MZT1: variants seen among roughly 807,000 people sequenced by gnomAD.
The protein encoded by MZT1 is mitotic spindle organizing protein 1.
MZT1 carries 8 observed loss-of-function variants against 8.5 expected under a neutral mutation model. That is an observed-to-expected ratio of 0.94 (90% confidence interval 0.55 to 1.70). The LOEUF is 1.70. MZT1 is among the 40% of genes most tolerant of loss of function. The pLI is 0.00. For synonymous variants in MZT1, 38 were observed against 42.0 expected (o/e 0.90, Z 0.37); for missense variants, 93 against 108.6 (o/e 0.86, Z 0.64).
intron 1 of MZT1, among the ~76,000 whole-genome samples, chr13:72,724,384 A>T (rs1476329688): frequency 2.6e-5 from 4 of 151,952 alleles, no homozygotes; most frequent in African/African-American, 9.7e-5. Context: ...GAGGCAGAGG[A>T]GGTGAGAAAG....
At position 72,715,509 on chromosome 13, in the gene MZT1, G is replaced by A. The variant is rs141494918; in HGVS notation, c.225+3443C>T. On this transcript the variant is annotated intron_variant, in intron 2 of 2. Coordinates refer to ENST00000377818, the MANE Select transcript of MZT1 (RefSeq NM_001071775.3). The stretch of plus-strand genomic sequence containing the variant: ...CACATGAGATCTGGGAAGGGCCAGC[G>A]AGGGAATGATAGTTTGGATGTGCAT... 8.6e-3 allele frequency among the ~76,000 whole-genome samples: 1,314 copies of A among 152,262 alleles called. 10 individuals are homozygous for A. Among genetic ancestry groups the A allele is most frequent in the South Asian group, 0.017 (80 of 4,822 alleles).
chr13:72,719,004 T>C lies in MZT1; in HGVS notation c.173A>G (p.Glu58Gly). 1 of 1,595,552 alleles carries C rather than the reference T, an allele frequency of 6.3e-7. No individual in the cohort carries two copies. The highest frequency in any genetic ancestry group is 8.5e-7 in the Non-Finnish European group (1 of 1,173,104). Reference protein sequence around the residue: ...VRLCEQGINPEALSSVIKELR... With the variant: ...VRLCEQGINPGALSSVIKELR... Reference sequence around the variant, plus strand: ...CTCCTTAATAACCGATGATAAAGCTTCTGGGTTAATTCCTTGTTCACAAAG... The same window carrying C: ...CTCCTTAATAACCGATGATAAAGCTCCTGGGTTAATTCCTTGTTCACAAAG... The change falls in exon 2 of 3, where the codon GAA becomes GGA. Residue 58 changes from glutamate (E) to glycine (G), a missense_variant. Transcript: ENST00000377818.
chr13:72,725,414 CTT>C (rs1449125209), intron 1 of MZT1, among the ~76,000 whole-genome samples: 1 of 152,166 alleles, frequency 6.6e-6, no homozygotes, highest in Admixed American at 6.5e-5. Context: ...CCTTCCATGT[CTT>C]TAACAAAATC....
rs1292491079 is a variant in MZT1, at chr13:72,708,972, A to G, written c.*1350T>C. 6.6e-6 allele frequency: 1 copy of G among 152,090 alleles called. No homozygotes were observed. The highest frequency in any genetic ancestry group is 2.4e-5 in the African/African-American group (1 of 41,460). The allele number at this position is 152,090 out of a possible 1,614,324, so 9.4% of individuals were successfully genotyped here. Reference sequence around the variant, plus strand: ...TAAATGGTACTCAATAAAATCTAAAATTTAAGAAATAATAAAATCAGATGA... The same window carrying G: ...TAAATGGTACTCAATAAAATCTAAAGTTTAAGAAATAATAAAATCAGATGA... On this transcript the variant is annotated 3_prime_UTR_variant, in exon 3 of 3. Coordinates refer to ENST00000377818, the MANE Select transcript of MZT1 (RefSeq NM_001071775.3).
At chr13:72,718,840 T>C (rs1030812142) in intron 2 of MZT1, 112 bp downstream of exon 2, 3 of 1,015,700 alleles carry the variant, frequency 3.0e-6, no homozygotes, top group Non-Finnish European at 4.2e-6. Context: ...TCTAGTGGTG[T>C]TGCATGTTAG....
chr13:72,720,932 C>CT (rs1229042866), intron 1 of MZT1, among the ~76,000 whole-genome samples: 5 of 28,636 alleles, frequency 1.7e-4, no homozygotes, highest in Non-Finnish European at 3.6e-4. Flanking sequence ...CAATTTGAGT[C>CT]TTAAAAAAAA....
At chr13:72,710,812 G>A (rs1278997147) in intron 2 of MZT1, among the ~76,000 whole-genome samples, 1 of 151,986 alleles carries the variant, frequency 6.6e-6, no homozygotes, top group Non-Finnish European at 1.5e-5. Context: ...CTCTTTCCCA[G>A]GTGATTCTGA....
chr13:72,716,600 G>GT (rs1419903888), intron 2 of MZT1, among the ~76,000 whole-genome samples: 1 of 152,126 alleles, frequency 6.6e-6, no homozygotes, highest in Non-Finnish European at 1.5e-5. Context: ...TTATTTGTTT[G>GT]TTTGTTTTTC....
rs1289481953 is a variant in MZT1, at chr13:72,708,691, T to A, written c.*1631A>T. ...TAAATAACACATAGTATTTGTAGTGTTGATTATAAATCAAATGACTTTTTA... is the reference window on the plus strand; with the variant it reads ...TAAATAACACATAGTATTTGTAGTGATGATTATAAATCAAATGACTTTTTA... On this transcript the variant is annotated 3_prime_UTR_variant, in exon 3 of 3. Transcript: ENST00000377818. 5 of 152,168 alleles carry A rather than the reference T, an allele frequency of 3.3e-5. No individual in the cohort carries two copies. Among genetic ancestry groups the A allele is most frequent in the African/African-American group, 4.8e-5 (2 of 41,452 alleles). 9.4% of individuals were successfully genotyped at this position (152,168 alleles called of 1,614,324 possible). A position where few individuals can be genotyped will look rare whatever the true frequency, so the allele number is the denominator to read the frequency against.
chr13:72,715,474 G>A (rs1447923266), intron 2 of MZT1, among the ~76,000 whole-genome samples: 1 of 152,182 alleles, frequency 6.6e-6, no homozygotes, highest in African/African-American at 2.4e-5. Flanking sequence ...ATGTTGCAAT[G>A]TGAGAAGAAC....
intron 2 of MZT1, among the ~76,000 whole-genome samples, chr13:72,715,911 G>GT (rs1044943582): frequency 6.6e-6 from 1 of 151,582 alleles, no homozygotes. Flanking sequence ...CTGGTCTCCG[G>GT]TTTTTTTGTT....
chr13:72,724,431 A>G lies in MZT1; in HGVS notation c.79+3093T>C, dbSNP rs150616511. Among the ~76,000 whole-genome samples the G allele has an allele frequency of 2.5e-3, 373 of 151,826 alleles. 2 individuals are homozygous for G. The highest frequency in any genetic ancestry group is 8.6e-3 in the African/African-American group (357 of 41,402). Reference sequence around the variant, plus strand: ...TCTAGATTTCTTTCTCAAATGTGCAACTGGATTGATGGTGGTAGCATGGAC... The same window carrying G: ...TCTAGATTTCTTTCTCAAATGTGCAGCTGGATTGATGGTGGTAGCATGGAC... On this transcript the variant is annotated intron_variant, in intron 1 of 2. Transcript: ENST00000377818.
At chr13:72,719,285 A>C (rs1320262719) in intron 1 of MZT1, among the ~76,000 whole-genome samples, 188 bp from the exon 2 acceptor site, 2 of 152,236 alleles carry the variant, frequency 1.3e-5, no homozygotes, top group Admixed American at 6.5e-5. Context: ...ATATAAATAT[A>C]AACTTACACC....
Position 72,719,021 on chromosome 13 carries a change from T to C in MZT1, c.156A>G (p.Glu52=), listed in dbSNP as rs56132848. 6.8e-4 allele frequency: 1,093 copies of C among 1,598,354 alleles called. 3 individuals carry two copies. The African/African-American group carries it at 0.013, about 19-fold the overall frequency. The change falls in exon 2 of 3, where the codon GAA becomes GAG. Residue 52 remains glutamate (E), a synonymous_variant. Coordinates refer to ENST00000377818, the MANE Select transcript of MZT1 (RefSeq NM_001071775.3). The part of the protein sequence containing the change: ...ETLSICVRLC[E]QGINPEALSS... Reference sequence around the variant, plus strand: ...ATAAAGCTTCTGGGTTAATTCCTTGTTCACAAAGCCGTACACAAATAGACA... The same window carrying C: ...ATAAAGCTTCTGGGTTAATTCCTTGCTCACAAAGCCGTACACAAATAGACA...
intron 2 of MZT1, among the ~76,000 whole-genome samples, chr13:72,717,189 G>A (rs2032543857): frequency 6.6e-6 from 1 of 152,064 alleles, no homozygotes; most frequent in Admixed American, 6.6e-5. Flanking sequence ...GCTCATTTGT[G>A]TCACATTATT....
At chr13:72,712,510 T>C (rs1364170612) in intron 2 of MZT1, among the ~76,000 whole-genome samples, 2 of 152,232 alleles carry the variant, frequency 1.3e-5, no homozygotes, top group Non-Finnish European at 2.9e-5. Context: ...ATAGGAGAAA[T>C]GCATTTTAAG....
At chr13:72,720,254 T>G (rs2032579248) in intron 1 of MZT1, among the ~76,000 whole-genome samples, 1 of 152,236 alleles carries the variant, frequency 6.6e-6, no homozygotes, top group South Asian at 2.1e-4. Context: ...CTTACAAATT[T>G]GTTACATGTC....
In MZT1 at chr13:72,719,069, A is replaced by G. The variant is rs2032568509; in HGVS notation, c.108T>C (p.Asn36=). The G allele has an allele frequency of 6.5e-7, 1 of 1,545,268 alleles. No homozygotes were observed. Among genetic ancestry groups the G allele is most frequent in the South Asian group, 1.3e-5 (1 of 78,912 alleles). Residue 36 remains asparagine, a synonymous_variant, in exon 2 of 3, where the codon AAT becomes AAC. Transcript: ENST00000377818. ...DVLLEISRIL[N]TGLDMETLSI... ...ACAGAGTTTCCATATCTAAGCCAGTATTCAAAATTCTTGAAATCTCAAGCA... is the reference window on the plus strand; with the variant it reads ...ACAGAGTTTCCATATCTAAGCCAGTGTTCAAAATTCTTGAAATCTCAAGCA...
Position 72,710,245 on chromosome 13 carries a change from G to A in MZT1, c.*77C>T. 1 of 1,471,184 alleles carries A rather than the reference G, an allele frequency of 6.8e-7. No homozygotes were observed. The highest frequency in any genetic ancestry group is 9.5e-7 in the Non-Finnish European group (1 of 1,057,964). The allele number at this position is 1,471,184 out of a possible 1,614,324, so 91.1% of individuals were successfully genotyped here. On this transcript the variant is annotated 3_prime_UTR_variant, in exon 3 of 3. Transcript: ENST00000377818. ...CACTGCTGCATGCAGTAATTTCATT[G>A]TACATTCTCAACTACAATGCAATCT...
Sources: allele counts gnomAD v4.1 joint callset (sites outside exome capture counted in the v4.1 genomes callset), GRCh38; gene constraint gnomAD v4.1.1; transcripts MANE v1.5; gene names NCBI Gene and HGNC (gene_info 2026-07-23, HGNC 2026-07-21).